Variants in CHD4 observed in about 807,000 individuals in gnomAD.
The protein encoded by CHD4 is ATP-dependent chromatin remodeler CHD4.
In CHD4, 35 loss-of-function variants were observed where a neutral mutation model predicts 235.5. That is an observed-to-expected ratio of 0.15 (90% confidence interval 0.11 to 0.20). The LOEUF (loss-of-function observed/expected upper bound fraction) is 0.20. Ranked by LOEUF, CHD4 falls within the 10% of genes least tolerant of loss-of-function variation. The probability of loss-of-function intolerance (pLI) is 1.00; values close to 1 mark genes in which losing one functional copy is unlikely to be tolerated. For synonymous variants in CHD4, 900 were observed against 850.2 expected (o/e 1.06, Z -1.02); for missense variants, 1,329 against 2,432.3 (o/e 0.55, Z 9.54).
In CHD4 at chr12:6,596,486, T is replaced by TAA. The variant is rs765949049; in HGVS notation, c.1893-351_1893-350dup. ...CCAACATGGCGAAACCCGTCTCTAC[T>TAA]AAAAAAAAAAAAAAAAATTAGCCAG... On this transcript the variant is annotated intron_variant, in intron 12 of 39. Transcript: ENST00000544040. Among the ~76,000 whole-genome samples, 10 of 109,308 alleles carry TAA rather than the reference T, an allele frequency of 9.1e-5. No homozygotes were observed. In the East Asian group the frequency reaches 1.0e-3, roughly 11 times the overall value. 71.7% of individuals were successfully genotyped at this position (109,308 alleles called of 152,430 possible). A position where few individuals can be genotyped will look rare whatever the true frequency, so the allele number is the denominator to read the frequency against.
At position 6,602,181 on chromosome 12, in the gene CHD4, G is replaced by A; in HGVS notation, c.223-6C>T. The A allele has an allele frequency of 6.2e-7, 1 of 1,613,840 alleles. No individual in the cohort carries two copies. Among genetic ancestry groups the A allele is most frequent in the African/African-American group, 1.3e-5 (1 of 75,008 alleles). Reference sequence around the variant, plus strand: ...TGCCGGCATAAGAGCATACGCTGGAGCAGGGCAAGGGGGGAAGAGGGAGAC... The same window carrying A: ...TGCCGGCATAAGAGCATACGCTGGAACAGGGCAAGGGGGGAAGAGGGAGAC... On this transcript the variant is annotated splice_polypyrimidine_tract_variant and splice_region_variant and intron_variant, in intron 3 of 39. Transcript: ENST00000544040.
chr12:6,602,682 T>C (rs1487732201), intron 2 of CHD4, among the ~76,000 whole-genome samples, 185 bp from the exon 3 acceptor site: 3 of 152,186 alleles, frequency 2.0e-5, no homozygotes, highest in Non-Finnish European at 4.4e-5. Context: ...GAGAGCTGTA[T>C]ATACCCGAAA....
At chr12:6,592,191 C>A in intron 19 of CHD4, 134 bp from the exon 20 acceptor site, 1 of 1,241,166 alleles carries the variant, frequency 8.1e-7, no homozygotes, top group Non-Finnish European at 1.1e-6. Context: ...ACAAGCACTA[C>A]CACCACCACC....
chr12:6,570,755 G>A, intron 39 of CHD4, 62 bp from the exon 40 acceptor site: 1 of 1,612,958 alleles, frequency 6.2e-7, no homozygotes. Flanking sequence ...AATCTCAAGG[G>A]AATTCACTGA....
rs71584864 is a variant in CHD4 at position 6,602,353 on chromosome 12, G to A, written c.222+23C>T. 62 of 1,611,900 alleles carry A rather than the reference G, an allele frequency of 3.8e-5. No individual in the cohort carries two copies. The African/African-American group carries it at 4.3e-4, about 11-fold the overall frequency. On this transcript the variant is annotated intron_variant, in intron 3 of 39. Coordinates refer to ENST00000544040, the MANE Select transcript of CHD4 (RefSeq NM_001273.5). ...TCCTCCCTTCTTCCTCTGATTCCCC[G>A]TAACATTCAGTCACCCACTCACCTC...
intron 2 of CHD4, among the ~76,000 whole-genome samples, chr12:6,604,212 T>C (rs1314735595): frequency 6.6e-6 from 1 of 151,868 alleles, no homozygotes; most frequent in Non-Finnish European, 1.5e-5. Context: ...GAGGCGGAGG[T>C]TGCAGTGAGC....
intron 29 of CHD4, 88 bp downstream of exon 29, chr12:6,582,527 C>T: frequency 2.6e-6 from 4 of 1,514,338 alleles, no homozygotes; most frequent in Non-Finnish European, 3.5e-6. Flanking sequence ...GCCCACTTCC[C>T]TGCACGGCTA....
At chr12:6,582,571 A>G in intron 29 of CHD4, 44 bp downstream of exon 29, 1 of 1,565,422 alleles carries the variant, frequency 6.4e-7, no homozygotes, top group Non-Finnish European at 8.6e-7. Flanking sequence ...GATAGATAGC[A>G]GAAGCCCTTG....
In CHD4 at chr12:6,601,743, G is replaced by A; in HGVS notation, c.462C>T (p.Leu154=). The change falls in exon 5 of 40, where the codon CTC becomes CTT. Residue 154 remains leucine (L), a synonymous_variant. Transcript: ENST00000544040. ...TGTCTTCCATGCCCCAGTCTTCCAG[G>A]AGCTGAGCAGATGATTTAGGCTCCT... ...DSKEPKSSAQ[L]LEDWGMEDID... is the part of the protein sequence containing the mutation. 8 of 1,614,150 alleles carry A rather than the reference G, an allele frequency of 5.0e-6. No homozygotes were observed. Among genetic ancestry groups the A allele is most frequent in the South Asian group, 2.2e-5 (2 of 91,086 alleles).
intron 38 of CHD4, chr12:6,571,267 AT>A (rs1425981981): frequency 8.4e-6 from 4 of 478,326 alleles, no homozygotes; most frequent in Non-Finnish European, 1.1e-5. Flanking sequence ...CCTTACTATT[AT>A]TGTATTTCCT....
intron 37 of CHD4, among the ~76,000 whole-genome samples, chr12:6,576,041 C>A (rs1268307660): frequency 6.6e-6 from 1 of 152,026 alleles, no homozygotes; most frequent in Non-Finnish European, 1.5e-5. Context: ...CCAATTCCCT[C>A]TCGAGAACTT....
rs561803347 is a variant in CHD4 at position 6,581,295 on chromosome 12, A to G, written c.4775T>C (p.Ile1592Thr). Residue 1592 changes from isoleucine (I) to threonine (T), a missense_variant, in exon 32 of 40, where the codon ATT becomes ACT. Physicochemically the swap from Ile to Thr is moderately conservative, Grantham distance 89 (BLOSUM62 -1). Around this residue, in one of 26 missense-constraint regions of CHD4, gnomAD observed 219 missense variants for 219.3 expected, o/e 1.00. Coordinates refer to ENST00000544040, the MANE Select transcript of CHD4 (RefSeq NM_001273.5). ...EVKSTAPETA[I>T]ECTQAPAPAS... ...TTCAGTCACCCCATCTCTTACCTCA[A>G]TGGCAGTCTCAGGGGCTGTAGATTT... 2.4e-5 allele frequency: 39 copies of G among 1,614,058 alleles called. No homozygotes were observed. Among genetic ancestry groups the G allele is most frequent in the Middle Eastern group, 3.3e-4 (2 of 6,062 alleles).
At chr12:6,601,105 A>G in intron 6 of CHD4, 52 bp from the exon 7 acceptor site, 1 of 1,525,364 alleles carries the variant, frequency 6.6e-7, no homozygotes, top group Non-Finnish European at 8.8e-7. Flanking sequence ...GATGGGGAAA[A>G]TAAAATCTTC....
chr12:6,595,825 G>T (rs1948482949), intron 13 of CHD4, among the ~76,000 whole-genome samples, 181 bp downstream of exon 13: 1 of 151,268 alleles, frequency 6.6e-6, no homozygotes, highest in South Asian at 2.1e-4. Flanking sequence ...AGGTGTGGTG[G>T]CGTATGCAAA....
rs1237797698 is a variant in CHD4, at chr12:6,593,155, C to G, written c.2588G>C (p.Gly863Ala). Residue 863 changes from glycine to alanine, a missense_variant, in exon 17 of 40, where the codon GGC becomes GCC. This residue lies in a region of CHD4 where 78 missense variants were observed against 174.8 expected (regional missense o/e 0.45). Coordinates refer to ENST00000544040, the MANE Select transcript of CHD4 (RefSeq NM_001273.5). The surrounding 1 kb of genome is among the most constrained non-coding windows in gnomAD (Gnocchi z 4.9). ...ELITIDMAILGSIDWACLIVD... is the reference protein window; with the variant it reads ...ELITIDMAILASIDWACLIVD... ...GATGAGGCAGGCCCAATCAATAGAG[C>G]CCAAAATAGCCATGTCAATGGTGAT... The G allele has an allele frequency of 1.2e-6, 2 of 1,614,172 alleles. No homozygotes were observed. Among genetic ancestry groups the G allele is most frequent in the South Asian group, 2.2e-5 (2 of 91,090 alleles).
In CHD4 at chr12:6,587,746, A is replaced by G. The variant is rs1356090590; in HGVS notation, c.3669T>C (p.Thr1223=). ...TGGCTTCATCCTTGAATAGTTCCTCAGTGCCAAATTTGAGGATATCATCAA... is the reference window on the plus strand; with the variant it reads ...TGGCTTCATCCTTGAATAGTTCCTCGGTGCCAAATTTGAGGATATCATCAA... ...QELDDILKFG[T]EELFKDEATD... Residue 1223 remains threonine, a synonymous_variant, in exon 24 of 40, where the codon ACT becomes ACC. Transcript: ENST00000544040. The G allele has an allele frequency of 2.5e-6, 4 of 1,614,206 alleles. No homozygotes were observed. In the South Asian group the frequency reaches 3.3e-5, roughly 13 times the overall value.
intron 38 of CHD4, chr12:6,571,279 C>T (rs1947963680): frequency 2.3e-6 from 1 of 434,512 alleles, no homozygotes; most frequent in Non-Finnish European, 4.1e-6. Context: ...TGTATTTCCT[C>T]TTCTTGAGCT....
In CHD4 at chr12:6,587,947, G is replaced by C; in HGVS notation, c.3468C>G (p.Ala1156=). 2 of 1,613,318 alleles carry C rather than the reference G, an allele frequency of 1.2e-6. No individual in the cohort carries two copies. The highest frequency in any genetic ancestry group is 1.7e-6 in the Non-Finnish European group (2 of 1,179,288). Residue 1156 remains alanine (A), a splice_region_variant and synonymous_variant, in exon 24 of 40, where the codon GCC becomes GCG. Transcript: ENST00000544040. ...SDWNPHNDIQ[A]FSRAHRIGQN... ...GCCCAATCCGGTGAGCTCTGCTAAAGGCCTGGAGTTGAACAGGAAATAAAG... is the reference window on the plus strand; with the variant it reads ...GCCCAATCCGGTGAGCTCTGCTAAACGCCTGGAGTTGAACAGGAAATAAAG...
chr12:6,597,569 G>C (rs1404828630), intron 12 of CHD4, among the ~76,000 whole-genome samples: 1 of 152,096 alleles, frequency 6.6e-6, no homozygotes, highest in Non-Finnish European at 1.5e-5. Context: ...TTCAAGACCA[G>C]CCTGGCCAGC....
Sources: gnomAD v4.1 joint callset for allele counts (sites outside exome capture counted in the v4.1 genomes callset) on GRCh38, gnomAD v4.1.1 for gene constraint, gnomAD v4.1.1 regional missense constraint, Gnocchi (gnomAD v3.1) non-coding constraint, MANE v1.5 for transcripts, NCBI Gene and HGNC (gene_info 2026-07-23, HGNC 2026-07-21) for gene names.